The following SCAPER variants were observed in gnomAD, a reference collection of about 807,000 sequenced individuals.
SCAPER encodes S phase cyclin A-associated protein in the endoplasmic reticulum.
SCAPER carries 98 observed loss-of-function variants against 182.2 expected under a neutral mutation model. The ratio of observed to expected loss-of-function variants is 0.54; its 90% CI spans 0.46 to 0.64. The LOEUF (loss-of-function observed/expected upper bound fraction) is 0.64, where lower values mean the gene tolerates loss of function less well. Among genes scored for constraint, SCAPER ranks in the 30% least tolerant of loss-of-function variants. The pLI is 0.00. For missense variants in SCAPER, 1,432 were observed against 1,690.0 expected, an observed-to-expected ratio of 0.85 and a Z score of 2.68; for synonymous variants, 605 against 564.6, an observed-to-expected ratio of 1.07 and a Z score of -1.01.
chr15:76,607,764 A>AG (rs1555502356), intron 22 of SCAPER, among the ~76,000 whole-genome samples: 9 of 151,616 alleles, frequency 5.9e-5, no homozygotes, highest in Non-Finnish European at 1.3e-4. Context: ...CATTTCATTC[A>AG]TTTTGTCTTC....
intron 27 of SCAPER, among the ~76,000 whole-genome samples, chr15:76,395,102 T>C (rs1878039935): frequency 1.3e-5 from 2 of 152,230 alleles, no homozygotes. Flanking sequence ...ATGTGATGTT[T>C]ATCTCTCTGT....
rs190916075 is a variant in SCAPER, at chr15:76,793,517, A to C, written c.772+1763T>G. On this transcript the variant is annotated intron_variant, in intron 8 of 31. Coordinates refer to ENST00000563290, the MANE Select transcript of SCAPER (RefSeq NM_020843.4). ...GCCAATGGTTTAATCAATCATGCCT[A>C]GATAATGAAGTTTCTATAAAAACCT... The C allele has an allele frequency of 5.4e-4, 217 of 403,612 alleles. 3 individuals are homozygous for C. In the East Asian group the frequency reaches 8.2e-3, roughly 15 times the overall value. The allele number at this position is 403,612 out of a possible 1,614,324, so 25.0% of individuals were successfully genotyped here. A position where few individuals can be genotyped will look rare whatever the true frequency, so the allele number is the denominator to read the frequency against.
intron 22 of SCAPER, among the ~76,000 whole-genome samples, chr15:76,583,006 TA>T (rs2093410568): frequency 6.6e-6 from 1 of 152,036 alleles, no homozygotes; most frequent in East Asian, 1.9e-4. Context: ...ACTATGAAAC[TA>T]CTACAAGAAG....
At chr15:76,491,218 CT>C (rs2052271545) in intron 24 of SCAPER, among the ~76,000 whole-genome samples, 1 of 152,154 alleles carries the variant, frequency 6.6e-6, no homozygotes, top group Admixed American at 6.5e-5. Flanking sequence ...ATTACTGTAT[CT>C]TCGCATATTT....
intron 24 of SCAPER, among the ~76,000 whole-genome samples, chr15:76,484,189 G>A (rs1457010935): frequency 1.3e-5 from 2 of 152,228 alleles, no homozygotes; most frequent in African/African-American, 4.8e-5. Flanking sequence ...GACACAGAGA[G>A]ACATGAGGGA....
intron 18 of SCAPER, among the ~76,000 whole-genome samples, chr15:76,703,879 G>C (rs1002247649): frequency 6.6e-6 from 1 of 151,902 alleles, no homozygotes; most frequent in African/African-American, 2.4e-5. Flanking sequence ...AAATTTAAAC[G>C]CATGATAGAT....
At chr15:76,464,667 A>G (rs1397196523) in intron 25 of SCAPER, among the ~76,000 whole-genome samples, 1 of 152,134 alleles carries the variant, frequency 6.6e-6, no homozygotes, top group East Asian at 1.9e-4. Flanking sequence ...ATATTTAGGT[A>G]TTTCCACCTC....
At chr15:76,612,569 A>G (rs1160547421) in intron 22 of SCAPER, among the ~76,000 whole-genome samples, 2 of 152,122 alleles carry the variant, frequency 1.3e-5, no homozygotes, top group Non-Finnish European at 2.9e-5. Flanking sequence ...AAACAGCTTC[A>G]CCAAAGTCTC....
intron 5 of SCAPER, among the ~76,000 whole-genome samples, chr15:76,819,861 T>A (rs946678171): frequency 2.0e-5 from 3 of 151,824 alleles, no homozygotes; most frequent in African/African-American, 7.3e-5. Flanking sequence ...AGAGCTAATA[T>A]CCAGAATCTA....
At position 76,432,128 on chromosome 15, in the gene SCAPER, C is replaced by G. The variant is rs137930053; in HGVS notation, c.3311+1950G>C. Among the ~76,000 whole-genome samples the G allele has an allele frequency of 4.7e-4, 72 of 152,280 alleles. 3 individuals are homozygous for G. In the East Asian group the frequency reaches 0.014, roughly 29 times the overall value. The stretch of plus-strand genomic sequence containing the variant: ...CTAAGTTGTCTGGATGACAAGCATG[C>G]AGGGTTGCTGCATCACAGGGTAGCC... On this transcript the variant is annotated intron_variant, in intron 26 of 31. Coordinates refer to ENST00000563290, the MANE Select transcript of SCAPER (RefSeq NM_020843.4).
At position 76,711,616 on chromosome 15, in the gene SCAPER, A is replaced by G. The variant is rs1035009968; in HGVS notation, c.2166-5632T>C. Among the ~76,000 whole-genome samples the G allele has an allele frequency of 5.3e-5, 8 of 152,162 alleles. 1 individual carries two copies. Among genetic ancestry groups the G allele is most frequent in the African/African-American group, 1.9e-4 (8 of 41,436 alleles). On this transcript the variant is annotated intron_variant, in intron 17 of 31. Transcript: ENST00000563290. ...CAAACACTATGAAAAAATAGTTTTT[A>G]ATGATTGCCATTCTAACTGGTGTGA... is the stretch of plus-strand genomic sequence containing the variant.
chr15:76,366,071 GATTA>G (rs1160331282), intron 29 of SCAPER, among the ~76,000 whole-genome samples: 3 of 145,664 alleles, frequency 2.1e-5, no homozygotes, highest in South Asian at 2.3e-4. Context: ...AAAGAGAACT[GATTA>G]CTTACACACT....
At chr15:76,903,327 G>T (rs1484173359) in intron 1 of SCAPER, among the ~76,000 whole-genome samples, 2 of 152,104 alleles carry the variant, frequency 1.3e-5, no homozygotes, top group African/African-American at 2.4e-5. Context: ...TATTTGACCT[G>T]AACAACCAAG....
At chr15:76,888,132 A>T (rs1194089050) in intron 1 of SCAPER, among the ~76,000 whole-genome samples, 1 of 152,256 alleles carries the variant, frequency 6.6e-6, no homozygotes, top group Non-Finnish European at 1.5e-5. Context: ...AATAGCATCA[A>T]CATCAACCAA....
At chr15:76,578,404 A>T (rs936847147) in intron 22 of SCAPER, among the ~76,000 whole-genome samples, 1 of 152,208 alleles carries the variant, frequency 6.6e-6, no homozygotes, top group Non-Finnish European at 1.5e-5. Flanking sequence ...TGGGCGAGAC[A>T]CAGTAATCTG....
chr15:76,753,935 C>A lies in SCAPER; in HGVS notation c.1739G>T (p.Arg580Leu). 1 of 1,612,602 alleles carries A rather than the reference C, an allele frequency of 6.2e-7. No homozygotes were observed. Among genetic ancestry groups the A allele is most frequent in the Non-Finnish European group, 8.5e-7 (1 of 1,179,094 alleles). ...ATCTAGCAATTCTTCCTTCCACTTCCGGACATCCTTCTCCTACGTATAGTG... is the reference window on the plus strand; with the variant it reads ...ATCTAGCAATTCTTCCTTCCACTTCAGGACATCCTTCTCCTACGTATAGTG... ...QKLLEREKDV[R>L]KWKEELLDQR... is the part of the protein sequence containing the mutation. The change falls in exon 15 of 32, where the codon CGG (arginine) becomes CTG (leucine). Residue 580 changes from arginine to leucine, a missense_variant. Around this residue, in one of 5 missense-constraint regions of SCAPER, gnomAD observed 88 missense variants for 184.2 expected, o/e 0.48. Transcript: ENST00000563290.
chr15:76,589,110 T>C (rs979860642), intron 22 of SCAPER, among the ~76,000 whole-genome samples: 1 of 152,130 alleles, frequency 6.6e-6, no homozygotes, highest in African/African-American at 2.4e-5. Context: ...GTCTCCCAGC[T>C]GTGGAGATGG....
intron 25 of SCAPER, among the ~76,000 whole-genome samples, chr15:76,462,994 C>T (rs2049310085): frequency 1.3e-5 from 2 of 152,226 alleles, no homozygotes; most frequent in African/African-American, 2.4e-5. Context: ...CTTTTGAAGT[C>T]CATTATCCTC....
intron 21 of SCAPER, among the ~76,000 whole-genome samples, chr15:76,648,482 A>C (rs2054741511): frequency 6.6e-6 from 1 of 152,212 alleles, no homozygotes. Flanking sequence ...ACAATGGCTA[A>C]AATTTATCCA....
Sources: allele counts gnomAD v4.1 joint callset (sites outside exome capture counted in the v4.1 genomes callset), GRCh38; gene constraint gnomAD v4.1.1; regional missense constraint gnomAD v4.1.1; transcripts MANE v1.5; gene names NCBI Gene and HGNC (gene_info 2026-07-23, HGNC 2026-07-21).